CNTN4: variants seen among roughly 807,000 people sequenced by gnomAD.
CNTN4 encodes the protein contactin 4.
Under a neutral mutation model 122.5 loss-of-function variants are expected in CNTN4, and 77 were observed. The observed-to-expected ratio is 0.63, with a 90% CI of 0.52 to 0.76. The LOEUF (loss-of-function observed/expected upper bound fraction) is 0.76, where lower values mean the gene tolerates loss of function less well. CNTN4 is among the 30% of genes least tolerant of loss of function. CNTN4 has a pLI of 0.00. For missense variants in CNTN4, 1,256 were observed against 1,259.1 expected (o/e 1.00, Z 0.04); for synonymous variants, 512 against 447.0 (o/e 1.15, Z -1.83).
chr3:2,972,354 A>G (rs1049496241), intron 13 of CNTN4, among the ~76,000 whole-genome samples: 10 of 152,098 alleles, frequency 6.6e-5, no homozygotes, highest in African/African-American at 2.4e-4. Context: ...ACAGACACAC[A>G]CACTCAAAGA....
chr3:2,960,975 A>C (rs111453220), intron 13 of CNTN4, among the ~76,000 whole-genome samples: 21,404 of 150,950 alleles, frequency 0.14, 1,732 homozygotes, highest in East Asian at 0.38. Context: ...TCACGCCTGT[A>C]ATCCCAGCAC....
chr3:2,541,851 A>T (rs889174532), intron 3 of CNTN4, among the ~76,000 whole-genome samples: 1 of 152,078 alleles, frequency 6.6e-6, no homozygotes, highest in Non-Finnish European at 1.5e-5. Flanking sequence ...TGCCATCTTG[A>T]CTGGCTCTCT....
chr3:2,583,898 C>A (rs1324229267), intron 4 of CNTN4, among the ~76,000 whole-genome samples: 1 of 152,090 alleles, frequency 6.6e-6, no homozygotes, highest in Non-Finnish European at 1.5e-5. Flanking sequence ...GAAATCCAGG[C>A]AAAATACAAT....
At chr3:2,264,682 G>C (rs1178125647) in intron 2 of CNTN4, among the ~76,000 whole-genome samples, 1 of 151,674 alleles carries the variant, frequency 6.6e-6, no homozygotes, top group Non-Finnish European at 1.5e-5. Flanking sequence ...GTGCTTTTGA[G>C]GCCTTACCCC....
chr3:2,174,349 A>G (rs935667693), intron 2 of CNTN4, among the ~76,000 whole-genome samples: 1 of 152,230 alleles, frequency 6.6e-6, no homozygotes, highest in African/African-American at 2.4e-5. Flanking sequence ...CTAACAGCAT[A>G]ACATAGACTG....
chr3:2,932,213 T>A (rs1401729596), intron 13 of CNTN4, among the ~76,000 whole-genome samples: 1 of 151,728 alleles, frequency 6.6e-6, no homozygotes, highest in Admixed American at 6.6e-5. Context: ...CTCTCTTTAC[T>A]AAAAATACAA....
chr3:2,627,583 T>C lies in CNTN4; in HGVS notation c.55+56025T>C, dbSNP rs1028162591. Among the ~76,000 whole-genome samples the C allele has an allele frequency of 2.5e-4, 36 of 143,192 alleles. 1 individual carries two copies. The highest frequency in any genetic ancestry group is 1.0e-3 in the Admixed American group (14 of 13,422). 93.9% of individuals were successfully genotyped at this position (143,192 alleles called of 152,430 possible). A position where few individuals can be genotyped will look rare whatever the true frequency, so the allele number is the denominator to read the frequency against. On this transcript the variant is annotated intron_variant, in intron 4 of 24. Coordinates refer to ENST00000418658, the MANE Select transcript of CNTN4 (RefSeq NM_175607.3). ...ATCTCGGCTCACTGCAAGCTCCGCC[T>C]CCTGGGTTCAGGCCATTCTCCTGCT...
intron 7 of CNTN4, among the ~76,000 whole-genome samples, chr3:2,845,611 G>A (rs1433832280): frequency 6.6e-6 from 1 of 152,126 alleles, no homozygotes; most frequent in African/African-American, 2.4e-5. Context: ...TTTTCACATG[G>A]TTTGAAAACA....
At chr3:2,339,005 C>T (rs1205274909) in intron 2 of CNTN4, among the ~76,000 whole-genome samples, 173 bp from the exon 3 acceptor site, 1 of 152,090 alleles carries the variant, frequency 6.6e-6, no homozygotes, top group Non-Finnish European at 1.5e-5. Flanking sequence ...TCCTAATCTA[C>T]ACAATTCTAT....
At chr3:2,919,274 C>T (rs527766634) in intron 12 of CNTN4, among the ~76,000 whole-genome samples, 1 of 150,778 alleles carries the variant, frequency 6.6e-6, no homozygotes, top group East Asian at 2.0e-4. Context: ...ATCACTTGAA[C>T]CCAGAAGGCG....
At chr3:2,107,680 G>C (rs538583070) in intron 2 of CNTN4, among the ~76,000 whole-genome samples, 1 of 152,062 alleles carries the variant, frequency 6.6e-6, no homozygotes, top group Non-Finnish European at 1.5e-5. Context: ...ACCCTTTGAC[G>C]TAAGCTGATT....
At chr3:2,973,035 GTCA>G (rs1410092232) in intron 13 of CNTN4, among the ~76,000 whole-genome samples, 1 of 151,974 alleles carries the variant, frequency 6.6e-6, no homozygotes, top group African/African-American at 2.4e-5. Flanking sequence ...TAAATGTTCT[GTCA>G]TCATGAGAAT....
chr3:2,306,560 C>T (rs961375817), intron 2 of CNTN4, among the ~76,000 whole-genome samples: 4 of 151,958 alleles, frequency 2.6e-5, no homozygotes, highest in Admixed American at 6.6e-5. Flanking sequence ...TAGTCTAAGT[C>T]GTCAGACATT....
chr3:2,893,602 TAGAG>T (rs1255574288), intron 10 of CNTN4, among the ~76,000 whole-genome samples: 1 of 152,072 alleles, frequency 6.6e-6, no homozygotes, highest in African/African-American at 2.4e-5. Flanking sequence ...TTGCGAATAA[TAGAG>T]AGAATTAATA....
chr3:2,462,727 A>G (rs1027275801), intron 3 of CNTN4, among the ~76,000 whole-genome samples: 7 of 152,196 alleles, frequency 4.6e-5, no homozygotes, highest in Non-Finnish European at 1.0e-4. Flanking sequence ...CATGAATTTC[A>G]TCCAAAAATC....
intron 2 of CNTN4, among the ~76,000 whole-genome samples, chr3:2,143,161 G>A (rs2035082619): frequency 1.3e-5 from 2 of 152,150 alleles, no homozygotes; most frequent in African/African-American, 4.8e-5. Flanking sequence ...TCATTTTATA[G>A]ACTGGATTTT....
intron 23 of CNTN4, among the ~76,000 whole-genome samples, chr3:3,047,183 C>T (rs1341419668): frequency 2.6e-5 from 4 of 151,964 alleles, no homozygotes; most frequent in African/African-American, 7.3e-5. Context: ...TGACGGGAGA[C>T]TTTAACACCC....
At chr3:2,362,113 C>G (rs1399270106) in intron 3 of CNTN4, 1 of 153,124 alleles carries the variant, frequency 6.5e-6, no homozygotes, top group African/African-American at 2.4e-5. Flanking sequence ...TGTAAGGAAC[C>G]AAGTATGACT....
At chr3:2,495,290 A>G (rs1174921807) in intron 3 of CNTN4, among the ~76,000 whole-genome samples, 2 of 152,238 alleles carry the variant, frequency 1.3e-5, no homozygotes, top group Non-Finnish European at 2.9e-5. Flanking sequence ...TAATACTTTA[A>G]TACATACTCT....
Sources: allele counts gnomAD v4.1 joint callset (sites outside exome capture counted in the v4.1 genomes callset), GRCh38; gene constraint gnomAD v4.1.1; transcripts MANE v1.5; gene names NCBI Gene and HGNC (gene_info 2026-07-23, HGNC 2026-07-21).